Variants in ERGIC2 observed in about 807,000 individuals in gnomAD.
The protein encoded by ERGIC2 is ERGIC and golgi 2, also known as endoplasmic reticulum-Golgi intermediate compartment protein 2.
Under a neutral mutation model 52.5 loss-of-function variants are expected in ERGIC2, and 31 were observed. The observed-to-expected ratio is 0.59, with a 90% CI of 0.44 to 0.80. The LOEUF is 0.80. Ranked by LOEUF, ERGIC2 falls within the 30% of genes least tolerant of loss-of-function variation. The pLI, the probability that ERGIC2 is intolerant of heterozygous loss-of-function variation, is 0.00. For synonymous variants in ERGIC2, 129 were observed against 140.6 expected (o/e 0.92, Z 0.58); for missense variants, 395 against 455.2 (o/e 0.87, Z 1.20).
chr12:29,367,924 T>C (rs919103287), intron 4 of ERGIC2, among the ~76,000 whole-genome samples: 1 of 151,796 alleles, frequency 6.6e-6, no homozygotes, highest in Non-Finnish European at 1.5e-5. Context: ...TTGTGAAACA[T>C]GGGTATAAAA....
chr12:29,355,783 C>T (rs988072007), intron 8 of ERGIC2, among the ~76,000 whole-genome samples: 1 of 152,000 alleles, frequency 6.6e-6, no homozygotes, highest in Non-Finnish European at 1.5e-5. Context: ...AGCTCTCTGG[C>T]CACTAAAACC....
chr12:29,360,004 C>T (rs1182893123), intron 6 of ERGIC2, among the ~76,000 whole-genome samples: 1 of 151,950 alleles, frequency 6.6e-6, no homozygotes, highest in African/African-American at 2.4e-5. Context: ...AAAAACCTCA[C>T]AACTGATTCA....
At chr12:29,356,270 G>A (rs1249923107) in intron 8 of ERGIC2, 112 bp downstream of exon 8, 11 of 625,352 alleles carry the variant, frequency 1.8e-5, no homozygotes, top group East Asian at 8.9e-5. Context: ...TGATCCACCC[G>A]CCTCAGCCTC....
At chr12:29,356,581 G>A (rs1167402109) in intron 7 of ERGIC2, 104 bp from the exon 8 acceptor site, 3 of 570,524 alleles carry the variant, frequency 5.3e-6, no homozygotes, top group African/African-American at 2.0e-5. Context: ...TCATTTTTTA[G>A]GTAATATTCT....
chr12:29,377,381 G>A (rs1940528803), intron 1 of ERGIC2, among the ~76,000 whole-genome samples: 1 of 152,184 alleles, frequency 6.6e-6, no homozygotes, highest in South Asian at 2.1e-4. Context: ...AGATGCTCAA[G>A]TCACTGACAT....
chr12:29,352,047 A>G (rs1940139731), intron 8 of ERGIC2, among the ~76,000 whole-genome samples: 1 of 152,132 alleles, frequency 6.6e-6, no homozygotes, highest in African/African-American at 2.4e-5. Context: ...TGAAGTCCAT[A>G]TTTCTTTTTT....
intron 1 of ERGIC2, 58 bp downstream of exon 1, chr12:29,381,057 C>T (rs1471110160): frequency 6.6e-6 from 1 of 152,278 alleles, no homozygotes; most frequent in Non-Finnish European, 1.5e-5. Context: ...GCATTTACGC[C>T]CTAAACAGCC....
chr12:29,360,538 TAA>T (rs1940269567), intron 6 of ERGIC2, among the ~76,000 whole-genome samples: 1 of 147,542 alleles, frequency 6.8e-6, no homozygotes, highest in African/African-American at 2.5e-5. Flanking sequence ...AATGAATATA[TAA>T]ACTTTTATAT....
At chr12:29,374,978 G>C (rs1565546297) in intron 1 of ERGIC2, among the ~76,000 whole-genome samples, 1 of 152,028 alleles carries the variant, frequency 6.6e-6, no homozygotes, top group African/African-American at 2.4e-5. Context: ...GTTTTACAAA[G>C]CCCTTCAAAA....
intron 10 of ERGIC2, 163 bp from the exon 11 acceptor site, chr12:29,345,703 T>G: frequency 3.3e-6 from 2 of 605,908 alleles, no homozygotes; most frequent in East Asian, 5.8e-5. Context: ...TGCTTGAGTG[T>G]GGGAGTTCAA....
chr12:29,347,977 T>C (rs936862084), intron 10 of ERGIC2, among the ~76,000 whole-genome samples: 1 of 152,222 alleles, frequency 6.6e-6, no homozygotes, highest in Non-Finnish European at 1.5e-5. Flanking sequence ...TTTAGCATCT[T>C]GAAACAAAGC....
chr12:29,361,819 C>G (rs1174331746), intron 5 of ERGIC2, 134 bp from the exon 6 acceptor site: 1 of 548,614 alleles, frequency 1.8e-6, no homozygotes, highest in African/African-American at 1.9e-5. Flanking sequence ...GGTTTACATT[C>G]AACTTCTATA....
rs567245514 is a variant in ERGIC2 at position 29,360,234 on chromosome 12, T to TAC, written c.374+1409_374+1410dup. On this transcript the variant is annotated intron_variant, in intron 6 of 13. Transcript: ENST00000360150. ...GAGAAAGAAATTCTATTTCTAGAAA[T>TAC]ACACACACACACAAACATGTACAGA... Among the ~76,000 whole-genome samples the TAC allele has an allele frequency of 3.7e-3, 555 of 151,654 alleles. 6 individuals are homozygous for TAC. The highest frequency in any genetic ancestry group is 0.012 in the African/African-American group (485 of 41,466).
intron 8 of ERGIC2, among the ~76,000 whole-genome samples, chr12:29,354,596 T>C (rs919553618): frequency 6.6e-6 from 1 of 152,170 alleles, no homozygotes; most frequent in Non-Finnish European, 1.5e-5. Context: ...AAGATCAATA[T>C]TGAACTTGAC....
In ERGIC2 at chr12:29,339,260, A is replaced by G. The variant is rs1022813333; in HGVS notation, c.*1896T>C. 3.9e-5 allele frequency: 6 copies of G among 152,170 alleles called. No homozygotes were observed. Among genetic ancestry groups the G allele is most frequent in the African/African-American group, 1.4e-4 (6 of 41,448 alleles). 9.4% of individuals were successfully genotyped at this position (152,170 alleles called of 1,614,324 possible). A position where few individuals can be genotyped will look rare whatever the true frequency, so the allele number is the denominator to read the frequency against. Reference sequence around the variant, plus strand: ...ACGAAAACAATTAAAAATCATATATAAGTATCAAAATAATTTTTAAAGTCC... The same window carrying G: ...ACGAAAACAATTAAAAATCATATATGAGTATCAAAATAATTTTTAAAGTCC... On this transcript the variant is annotated 3_prime_UTR_variant, in exon 14 of 14. Coordinates refer to ENST00000360150, the MANE Select transcript of ERGIC2 (RefSeq NM_016570.3).
intron 13 of ERGIC2, 145 bp from the exon 14 acceptor site, chr12:29,341,363 A>C (rs1001020004): frequency 2.2e-5 from 15 of 679,522 alleles, no homozygotes; most frequent in South Asian, 3.7e-5. Context: ...CTATTTCTCT[A>C]TCTCTCTATC....
At chr12:29,343,317 A>T in intron 11 of ERGIC2, 35 bp from the exon 12 acceptor site, 1 of 1,527,938 alleles carries the variant, frequency 6.5e-7, no homozygotes, top group South Asian at 1.2e-5. Context: ...GAGAAATAGG[A>T]GGAAGAGAGA....
chr12:29,340,946 C>G lies in ERGIC2; in HGVS notation c.*210G>C. ...CCAGTTGGGCTTCTTCATCGTTTAG[C>G]TGCATGATTTCTTCTACGACATTTG... On this transcript the variant is annotated 3_prime_UTR_variant, in exon 14 of 14. Coordinates refer to ENST00000360150, the MANE Select transcript of ERGIC2 (RefSeq NM_016570.3). The G allele has an allele frequency of 1.8e-6, 1 of 564,230 alleles. No homozygotes were observed. Among genetic ancestry groups the G allele is most frequent in the East Asian group, 3.4e-5 (1 of 29,100 alleles). 35.0% of individuals were successfully genotyped at this position (564,230 alleles called of 1,614,324 possible).
At chr12:29,360,234 TAC>T (rs567245514) in intron 6 of ERGIC2, among the ~76,000 whole-genome samples, 1 of 151,538 alleles carries the variant, frequency 6.6e-6, no homozygotes, top group Non-Finnish European at 1.5e-5. Flanking sequence ...TTTCTAGAAA[TAC>T]ACACACACAC....
Sources: allele counts gnomAD v4.1 joint callset (sites outside exome capture counted in the v4.1 genomes callset), GRCh38; gene constraint gnomAD v4.1.1; transcripts MANE v1.5; gene names NCBI Gene and HGNC (gene_info 2026-07-23, HGNC 2026-07-21).